The following TNRC6B variants were observed in gnomAD, a reference collection of about 807,000 sequenced individuals.
The protein encoded by TNRC6B is trinucleotide repeat containing adaptor 6B.
Under a neutral mutation model 203.6 loss-of-function variants are expected in TNRC6B, and 52 were observed. The ratio of observed to expected loss-of-function variants is 0.26; its 90% CI spans 0.20 to 0.32. TNRC6B has a LOEUF of 0.32. Ranked by LOEUF, TNRC6B falls within the 10% of genes least tolerant of loss-of-function variation. The pLI is 1.00. For missense variants in TNRC6B, 1,923 were observed against 2,286.2 expected (o/e 0.84, Z 3.24); for synonymous variants, 838 against 845.7 (o/e 0.99, Z 0.16).
intron 3 of TNRC6B, among the ~76,000 whole-genome samples, chr22:40,141,193 C>T (rs1451345712): frequency 7.2e-6 from 1 of 139,328 alleles, no homozygotes; most frequent in Non-Finnish European, 1.5e-5. Context: ...GTGGTGAACT[C>T]AAATTCTGTC....
At chr22:40,280,476 T>G (rs2070708507) in intron 10 of TNRC6B, among the ~76,000 whole-genome samples, 2 of 152,266 alleles carry the variant, frequency 1.3e-5, no homozygotes, top group East Asian at 3.8e-4. Flanking sequence ...TTTGTGCAAA[T>G]ATTCCATGTC....
chr22:40,049,711 C>G (rs1360525238), intron 1 of TNRC6B, among the ~76,000 whole-genome samples: 1 of 152,136 alleles, frequency 6.6e-6, no homozygotes, highest in African/African-American at 2.4e-5. Context: ...TTAAGTGATT[C>G]TCCTGCCTTA....
chr22:40,170,787 ATGTGTG>A, intron 4 of TNRC6B, among the ~76,000 whole-genome samples: 1 of 64,916 alleles, frequency 1.5e-5, no homozygotes, highest in Non-Finnish European at 2.8e-5. Context: ...ATGTACATAT[ATGTGTG>A]TATATATACA....
chr22:40,162,945 A>C (rs1569003519), intron 4 of TNRC6B, among the ~76,000 whole-genome samples: 1 of 152,174 alleles, frequency 6.6e-6, no homozygotes, highest in Non-Finnish European at 1.5e-5. Flanking sequence ...TTTTTGTACT[A>C]GATCTTTGGG....
Position 40,178,854 on chromosome 22 carries a change from A to C in TNRC6B, c.5+714A>C, listed in dbSNP as rs185687716. 2.4e-4 allele frequency among the ~76,000 whole-genome samples: 37 copies of C among 152,284 alleles called. No homozygotes were observed. In the East Asian group the frequency reaches 7.1e-3, roughly 29 times the overall value. On this transcript the variant is annotated intron_variant, in intron 1 of 22. Transcript: ENST00000454349. The stretch of plus-strand genomic sequence containing the variant: ...CGCTTTTATTTTGATCCTGGATTCA[A>C]CCAAAGGGTAGGACTATGTTGTAAA...
intron 6 of TNRC6B, among the ~76,000 whole-genome samples, 155 bp from the exon 7 acceptor site, chr22:40,273,270 G>C (rs2070589773): frequency 6.6e-6 from 1 of 152,178 alleles, no homozygotes; most frequent in Non-Finnish European, 1.5e-5. Flanking sequence ...TTAGTTTCCT[G>C]CTCTCTAAAA....
At chr22:40,227,769 G>A (rs1220221364) in intron 1 of TNRC6B, among the ~76,000 whole-genome samples, 4 of 152,096 alleles carry the variant, frequency 2.6e-5, no homozygotes, top group Admixed American at 2.0e-4. Context: ...AAACTGTGTC[G>A]AACCATATGT....
At chr22:40,141,211 T>TTTC in intron 3 of TNRC6B, among the ~76,000 whole-genome samples, 1 of 142,516 alleles carries the variant, frequency 7.0e-6, no homozygotes, top group East Asian at 2.0e-4. Context: ...GTCCTTTTTT[T>TTTC]TTTTTTTTTT....
At chr22:40,176,796 C>T (rs2146374817), upstream of TNRC6B, among the ~76,000 whole-genome samples, 1 of 152,242 alleles carries the variant, frequency 6.6e-6, no homozygotes, top group East Asian at 1.9e-4. Flanking sequence ...ACAGGAGGGC[C>T]TGGTCTGGAC....
At chr22:40,097,542 CAAGTGATCCAGGCCTCCCA>C (rs1242931365) in intron 1 of TNRC6B, among the ~76,000 whole-genome samples, 1 of 152,022 alleles carries the variant, frequency 6.6e-6, no homozygotes, top group Non-Finnish European at 1.5e-5. Context: ...CTCCTGGACT[CAAGTGATCCAGGCCTCCCA>C]AAGTGCTGAA....
intron 12 of TNRC6B, among the ~76,000 whole-genome samples, chr22:40,294,034 C>G (rs577340936): frequency 7.8e-6 from 1 of 127,686 alleles, no homozygotes; most frequent in Non-Finnish European, 1.5e-5. Context: ...CCTAGGAGTT[C>G]GAGACAAGCC....
rs142193548 is a variant in TNRC6B at position 40,298,456 on chromosome 22, A to T, written c.3709-1999A>T. 7.2e-5 allele frequency among the ~76,000 whole-genome samples: 11 copies of T among 152,340 alleles called. No individual in the cohort carries two copies. The East Asian group carries it at 2.1e-3, about 29-fold the overall frequency. On this transcript the variant is annotated intron_variant, in intron 12 of 22. Transcript: ENST00000454349. ...TGATCATATTGAGCCTGAAGATGAGATGCAAGGGAACTGTAATCATTGTCT... is the reference window on the plus strand; with the variant it reads ...TGATCATATTGAGCCTGAAGATGAGTTGCAAGGGAACTGTAATCATTGTCT...
intron 3 of TNRC6B, among the ~76,000 whole-genome samples, chr22:40,145,953 T>C (rs1346641721): frequency 6.6e-6 from 1 of 152,138 alleles, no homozygotes; most frequent in Non-Finnish European, 1.5e-5. Context: ...ACTGTGGGGC[T>C]GGAAACGTGA....
intron 3 of TNRC6B, among the ~76,000 whole-genome samples, chr22:40,152,486 C>T (rs2068767335): frequency 6.6e-6 from 1 of 152,156 alleles, no homozygotes; most frequent in African/African-American, 2.4e-5. Flanking sequence ...ACCACCACGC[C>T]CGGCTAATTT....
At chr22:40,313,774 A>G (rs1393487854) in intron 19 of TNRC6B, among the ~76,000 whole-genome samples, 1 of 152,248 alleles carries the variant, frequency 6.6e-6, no homozygotes, top group Admixed American at 6.5e-5. Context: ...CAGTGCAACA[A>G]TAACCTACCA....
intron 1 of TNRC6B, among the ~76,000 whole-genome samples, chr22:40,110,387 A>G (rs1389772460): frequency 6.6e-6 from 1 of 152,220 alleles, no homozygotes; most frequent in African/African-American, 2.4e-5. Flanking sequence ...GTAAGCATTC[A>G]GTAAAGCTGG....
chr22:40,078,380 C>T (rs1340927620), intron 1 of TNRC6B, among the ~76,000 whole-genome samples: 1 of 151,840 alleles, frequency 6.6e-6, no homozygotes, highest in African/African-American at 2.4e-5. Flanking sequence ...AAAAATTAGC[C>T]AGATGTGGTG....
intron 1 of TNRC6B, among the ~76,000 whole-genome samples, chr22:40,202,263 T>TTTGTTTTTTTGTTG (rs1555889199): frequency 3.3e-5 from 5 of 150,866 alleles, no homozygotes; most frequent in East Asian, 1.9e-4. Context: ...TTTTTTTGTT[T>TTTGTTTTTTTGTTG]TTTTTTTTTT....
At chr22:40,312,837 C>A in intron 18 of TNRC6B, 65 bp from the exon 19 acceptor site, 1 of 1,516,274 alleles carries the variant, frequency 6.6e-7, no homozygotes, top group Non-Finnish European at 9.1e-7. Flanking sequence ...AAAATACTCT[C>A]AAGGTTTCAC....
Sources: gnomAD v4.1 joint callset for allele counts (sites outside exome capture counted in the v4.1 genomes callset) on GRCh38, gnomAD v4.1.1 for gene constraint, MANE v1.5 for transcripts, NCBI Gene and HGNC (gene_info 2026-07-23, HGNC 2026-07-21) for gene names.